The following VPS26B variants were observed in gnomAD, a reference collection of about 807,000 sequenced individuals.
VPS26B encodes vacuolar protein sorting-associated protein 26B.
VPS26B carries 10 observed loss-of-function variants against 33.3 expected under a neutral mutation model. The ratio of observed to expected loss-of-function variants is 0.30; its 90% CI spans 0.19 to 0.51. VPS26B has a LOEUF of 0.51. Ranked by LOEUF, VPS26B falls within the 20% of genes least tolerant of loss-of-function variation. The pLI is 0.98. For synonymous variants in VPS26B, 190 were observed against 176.9 expected (o/e 1.07, Z -0.59); for missense variants, 317 against 452.7 (o/e 0.70, Z 2.72).
intron 2 of VPS26B, among the ~76,000 whole-genome samples, chr11:134,238,550 G>A (rs1938669663): frequency 6.6e-6 from 1 of 152,170 alleles, no homozygotes; most frequent in Non-Finnish European, 1.5e-5. Context: ...GCCGAAATGT[G>A]TAGTTGGTAT....
At chr11:134,239,624 A>G (rs1445326642) in intron 2 of VPS26B, 1 of 248,572 alleles carries the variant, frequency 4.0e-6, no homozygotes, top group Non-Finnish European at 8.0e-6. Context: ...TAAAACCTGT[A>G]CACAAATACA....
At position 134,243,056 on chromosome 11, in the gene VPS26B, A is replaced by G. The variant is rs1938757889; in HGVS notation, c.546-63A>G. 8 of 1,568,514 alleles carry G rather than the reference A, an allele frequency of 5.1e-6. No individual in the cohort carries two copies. The South Asian group carries it at 9.2e-5, about 18-fold the overall frequency. On this transcript the variant is annotated intron_variant, in intron 3 of 5. Transcript: ENST00000281187. ...CGCTTGGCCGTGGCGTGTGCGCTCT[A>G]CTGAAACAGAAAGGTCTGGCCACAG...
rs147742399 is a variant in VPS26B at position 134,245,240 on chromosome 11, G to A, written c.864+160G>A. Among the ~76,000 whole-genome samples, 27 of 152,318 alleles carry A rather than the reference G, an allele frequency of 1.8e-4. No homozygotes were observed. Among genetic ancestry groups the A allele is most frequent in the African/African-American group, 6.0e-4 (25 of 41,578 alleles). On this transcript the variant is annotated intron_variant, in intron 5 of 5. Transcript: ENST00000281187. The surrounding 1 kb of genome is among the most constrained non-coding windows in gnomAD (Gnocchi z 4.7). ...GGATTCTCACCTGGCCTTAGAGTCTGCTTCCTCGGGCCTTCTCCTGCAACC... is the reference window on the plus strand; with the variant it reads ...GGATTCTCACCTGGCCTTAGAGTCTACTTCCTCGGGCCTTCTCCTGCAACC...
Position 134,240,433 on chromosome 11 carries a change from C to G in VPS26B, c.545+278C>G, listed in dbSNP as rs1323496191. 6.6e-6 allele frequency among the ~76,000 whole-genome samples: 1 copy of G among 152,210 alleles called. No individual in the cohort carries two copies. The highest frequency in any genetic ancestry group is 1.5e-5 in the Non-Finnish European group (1 of 68,040). On this transcript the variant is annotated intron_variant, in intron 3 of 5. Coordinates refer to ENST00000281187, the MANE Select transcript of VPS26B (RefSeq NM_052875.5). The surrounding 1 kb of genome is among the most constrained non-coding windows in gnomAD (Gnocchi z 4.4). ...TATGATGCCTCTCAGTCAAGCTAAACTAACTTGAGGTTATTTGTTTTGGAA... is the reference window on the plus strand; with the variant it reads ...TATGATGCCTCTCAGTCAAGCTAAAGTAACTTGAGGTTATTTGTTTTGGAA...
chr11:134,232,296 T>C (rs867544599), intron 1 of VPS26B, among the ~76,000 whole-genome samples: 8 of 152,224 alleles, frequency 5.3e-5, no homozygotes, highest in Non-Finnish European at 7.3e-5. Context: ...CTTGGATTTT[T>C]GTTTTAATTT....
At chr11:134,228,003 A>G (rs1415307561) in intron 1 of VPS26B, among the ~76,000 whole-genome samples, 3 of 152,250 alleles carry the variant, frequency 2.0e-5, no homozygotes, top group Non-Finnish European at 4.4e-5. Flanking sequence ...GGTGTTGTAG[A>G]TGGAGCCAGT....
intron 2 of VPS26B, among the ~76,000 whole-genome samples, chr11:134,238,495 C>T (rs574912103): frequency 3.3e-5 from 5 of 152,114 alleles, no homozygotes; most frequent in South Asian, 2.1e-4. Flanking sequence ...TGAGGTGAAC[C>T]GAAAGGATCC....
chr11:134,237,251 A>G (rs370283004), intron 2 of VPS26B, among the ~76,000 whole-genome samples: 177 of 152,280 alleles, frequency 1.2e-3, no homozygotes, highest in African/African-American at 4.1e-3. Flanking sequence ...AGACAAAACT[A>G]TCAGAAGGCT....
chr11:134,243,128 G>A lies in VPS26B; in HGVS notation c.555G>A (p.Leu185=), dbSNP rs1938759486. The change falls in exon 4 of 6, where the codon TTG becomes TTA. Residue 185 remains leucine (L), a synonymous_variant. Transcript: ENST00000281187. ...ACTTTCTGTTCCCCAGATACCACTT[G>A]AAAGATGTCATTGTAGGGAAGATAT... is the stretch of plus-strand genomic sequence containing the variant. ...EFEYNKSKYH[L]KDVIVGKIYF... is the part of the protein sequence containing the mutation. 1 of 1,613,704 alleles carries A rather than the reference G, an allele frequency of 6.2e-7. No homozygotes were observed. Among genetic ancestry groups the A allele is most frequent in the Non-Finnish European group, 8.5e-7 (1 of 1,179,820 alleles).
Position 134,245,326 on chromosome 11 carries a change from G to A in VPS26B, c.865-118G>A. On this transcript the variant is annotated intron_variant, in intron 5 of 5. Coordinates refer to ENST00000281187, the MANE Select transcript of VPS26B (RefSeq NM_052875.5). The surrounding 1 kb of genome is among the most constrained non-coding windows in gnomAD (Gnocchi z 4.7). The stretch of plus-strand genomic sequence containing the variant: ...TGCTGGCAGCTGCTGCCTTTGGTGA[G>A]AGAGAAGCAGAGGAGGTCCTTGCCC... 6.8e-7 allele frequency: 1 copy of A among 1,460,962 alleles called. No individual in the cohort carries two copies. The highest frequency in any genetic ancestry group is 9.3e-7 in the Non-Finnish European group (1 of 1,076,480). The allele number at this position is 1,460,962 out of a possible 1,614,324, so 90.5% of individuals were successfully genotyped here.
chr11:134,239,376 A>C (rs929294585), intron 2 of VPS26B, among the ~76,000 whole-genome samples: 30 of 152,178 alleles, frequency 2.0e-4, no homozygotes, highest in African/African-American at 7.0e-4. Context: ...TGAGCTTCCC[A>C]TGAGACTGTA....
intron 2 of VPS26B, chr11:134,239,702 A>G (rs557992539): frequency 4.7e-6 from 2 of 426,698 alleles, no homozygotes; most frequent in African/African-American, 4.0e-5. Flanking sequence ...AGGCAGAGAA[A>G]TCACTTTCCC....
chr11:134,240,165 T>G lies in VPS26B; in HGVS notation c.545+10T>G. The G allele has an allele frequency of 3.1e-6, 5 of 1,614,034 alleles. No individual in the cohort carries two copies. The highest frequency in any genetic ancestry group is 4.2e-6 in the Non-Finnish European group (5 of 1,179,930). On this transcript the variant is annotated intron_variant, in intron 3 of 5. Transcript: ENST00000281187. The surrounding 1 kb of genome is among the most constrained non-coding windows in gnomAD (Gnocchi z 4.4). ...AGTACAATAAATCCAAGTAAGTGTCTCAGTGCCAAGGTTGTGAAATGATTA... is the reference window on the plus strand; with the variant it reads ...AGTACAATAAATCCAAGTAAGTGTCGCAGTGCCAAGGTTGTGAAATGATTA...
Position 134,240,511 on chromosome 11 carries a change from T to G in VPS26B, c.545+356T>G, listed in dbSNP as rs910960281. Among the ~76,000 whole-genome samples the G allele has an allele frequency of 5.9e-5, 9 of 152,182 alleles. No individual in the cohort carries two copies. Among genetic ancestry groups the G allele is most frequent in the Non-Finnish European group, 4.4e-5 (3 of 68,030 alleles). On this transcript the variant is annotated intron_variant, in intron 3 of 5. Transcript: ENST00000281187. The surrounding 1 kb of genome is among the most constrained non-coding windows in gnomAD (Gnocchi z 4.4). ...GCTAAGAACAATCTCAGAATACCAT[T>G]CCATTATCATGTGCTCCCTCCATCT...
At position 134,225,168 on chromosome 11, in the gene VPS26B, C is replaced by T. The variant is rs1207761666; in HGVS notation, c.46C>T (p.Leu16=). The change falls in exon 1 of 6, where the codon CTG becomes TTG. Residue 16 remains leucine (L), a synonymous_variant. Transcript: ENST00000281187. ...FGQSVEVEIL[L]NDAESRKRAE... is the part of the protein sequence containing the mutation. The stretch of plus-strand genomic sequence containing the variant: ...GCAGAGCGTGGAGGTGGAAATCCTT[C>T]TGAACGATGCAGAGAGTAGGAAGCG... The T allele has an allele frequency of 1.9e-6, 3 of 1,613,988 alleles. No individual in the cohort carries two copies. The highest frequency in any genetic ancestry group is 2.5e-6 in the Non-Finnish European group (3 of 1,179,892).
chr11:134,238,789 G>T (rs1342185885), intron 2 of VPS26B, among the ~76,000 whole-genome samples: 2 of 151,936 alleles, frequency 1.3e-5, no homozygotes, highest in East Asian at 3.9e-4. Flanking sequence ...TAGAGACGGG[G>T]TTTCACTGTG....
rs751572708 is a variant in VPS26B at position 134,243,271 on chromosome 11, T to G, written c.698T>G (p.Ile233Ser). 1 of 1,613,988 alleles carries G rather than the reference T, an allele frequency of 6.2e-7. No individual in the cohort carries two copies. The change falls in exon 4 of 6, where the codon ATC (isoleucine) becomes AGC (serine). Residue 233 changes from isoleucine to serine, a missense_variant. By Grantham distance (142) the Ile-to-Ser change is moderately radical. Coordinates refer to ENST00000281187, the MANE Select transcript of VPS26B (RefSeq NM_052875.5). ...AATGACACGATAGCCAAGTACGAGATCATGGACGGGGCACCAGTGCGAGGT... is the reference window on the plus strand; with the variant it reads ...AATGACACGATAGCCAAGTACGAGAGCATGGACGGGGCACCAGTGCGAGGT... ...HENDTIAKYE[I>S]MDGAPVRGES...
At chr11:134,228,410 G>C (rs1232199089) in intron 1 of VPS26B, among the ~76,000 whole-genome samples, 1 of 151,422 alleles carries the variant, frequency 6.6e-6, no homozygotes, top group African/African-American at 2.4e-5. Context: ...CACATGGACA[G>C]GGAGTAAAGA....
intron 2 of VPS26B, among the ~76,000 whole-genome samples, chr11:134,237,527 G>A (rs1238653345): frequency 6.6e-6 from 1 of 152,234 alleles, no homozygotes; most frequent in African/African-American, 2.4e-5. Context: ...TAAGGACAGA[G>A]GGGACACTTA....
Sources: allele counts gnomAD v4.1 joint callset (sites outside exome capture counted in the v4.1 genomes callset), GRCh38; gene constraint gnomAD v4.1.1; non-coding constraint Gnocchi (gnomAD v3.1); transcripts MANE v1.5; gene names NCBI Gene and HGNC (gene_info 2026-07-23, HGNC 2026-07-21).